Variants in ADGRB2 observed in about 807,000 individuals in gnomAD.
ADGRB2 encodes brain-specific angiogenesis inhibitor 2.
Under a neutral mutation model 178.7 loss-of-function variants are expected in ADGRB2, and 47 were observed. That is an observed-to-expected ratio of 0.26 (90% CI 0.21 to 0.34). ADGRB2 has a LOEUF of 0.34. ADGRB2 is among the 10% of genes least tolerant of loss of function. ADGRB2 has a pLI of 1.00. For synonymous variants in ADGRB2, 870 were observed against 912.4 expected, an observed-to-expected ratio of 0.95 and a Z score of 0.84; for missense variants, 1,584 against 2,180.8, an observed-to-expected ratio of 0.73 and a Z score of 5.45.
At position 31,744,280 on chromosome 1, in the gene ADGRB2, G is replaced by T. The variant is rs1198785281; in HGVS notation, c.1000C>A (p.Arg334Ser). ...CCATAGGGGGAGGACACACAGGAGC[G>T]GGTCCGCACCTGCAGACCCTGCCCA... ...TCGQGLQVRT[R>S]SCVSSPYGTL... is the part of the protein sequence containing the mutation. Residue 334 changes from arginine (R) to serine (S), a missense_variant, in exon 6 of 33, where the codon CGC becomes AGC. By Grantham distance (110) the Arg-to-Ser change is moderately radical. Around this residue, in one of 3 missense-constraint regions of ADGRB2, gnomAD observed 657 missense variants for 847.6 expected, o/e 0.78. Transcript: ENST00000373658. The surrounding 1 kb of genome is among the most constrained non-coding windows in gnomAD (Gnocchi z 6.7). The T allele has an allele frequency of 1.3e-6, 2 of 1,551,320 alleles. No homozygotes were observed. The highest frequency in any genetic ancestry group is 2.4e-5 in the South Asian group (2 of 84,048).
Position 31,754,283 on chromosome 1 carries a change from C to T in ADGRB2, c.838+1716G>A, listed in dbSNP as rs530960825. ...TGGCTCTGTGCTCCACATGGCAGCC[C>T]GCCCAGATGGTGCCCGCCCATGAGG... On this transcript the variant is annotated intron_variant, in intron 4 of 32. Transcript: ENST00000373658. The surrounding 1 kb of genome is among the most constrained non-coding windows in gnomAD (Gnocchi z 5.7). Among the ~76,000 whole-genome samples, 1 of 152,374 alleles carries T rather than the reference C, an allele frequency of 6.6e-6. No homozygotes were observed. The highest frequency in any genetic ancestry group is 2.4e-5 in the African/African-American group (1 of 41,596).
Position 31,740,274 on chromosome 1 carries a change from T to C in ADGRB2, c.1989+73A>G. ...CACTTGCCGCCTCTACAGCAGACTC[T>C]GCCTAGGGGCCTGGCCTCCCGCTTC... On this transcript the variant is annotated intron_variant, in intron 12 of 32. Coordinates refer to ENST00000373658, the MANE Select transcript of ADGRB2 (RefSeq NM_001364857.2). The surrounding 1 kb of genome is among the most constrained non-coding windows in gnomAD (Gnocchi z 5.9). 1.2e-6 allele frequency: 2 copies of C among 1,605,150 alleles called. No individual in the cohort carries two copies. The highest frequency in any genetic ancestry group is 1.3e-5 in the African/African-American group (1 of 74,818).
At position 31,756,720 on chromosome 1, in the gene ADGRB2, G is replaced by A; in HGVS notation, c.117C>T (p.Ala39=). The stretch of plus-strand genomic sequence containing the variant: ...GCACACCCGAGGCCAGGGCAGAGCA[G>A]GCACTGGGGGCGGGGTCGAAGGCGG... ...LATAFDPAPS[A]CSALASGVLY... is the part of the protein sequence containing the mutation. Residue 39 remains alanine, a synonymous_variant, in exon 4 of 33, where the codon GCC becomes GCT. Transcript: ENST00000373658. This position sits in a 1 kb window ranked among gnomAD's most constrained non-coding sequence, Gnocchi z 8.5. The A allele has an allele frequency of 6.3e-7, 1 of 1,593,200 alleles. No homozygotes were observed. Among genetic ancestry groups the A allele is most frequent in the Non-Finnish European group, 8.5e-7 (1 of 1,170,752 alleles).
In ADGRB2 at chr1:31,741,985, CAT is replaced by C; in HGVS notation, c.1418-20_1418-19del. ...ATCAGTGGCTGTGGGAGAGGTGAGG[CAT>C]ATGAGTGGGCCCAGGTACCCCCATG... On this transcript the variant is annotated intron_variant, in intron 8 of 32. Coordinates refer to ENST00000373658, the MANE Select transcript of ADGRB2 (RefSeq NM_001364857.2). The surrounding 1 kb of genome is among the most constrained non-coding windows in gnomAD (Gnocchi z 6.5). The C allele has an allele frequency of 6.3e-7, 1 of 1,584,852 alleles. No homozygotes were observed. The highest frequency in any genetic ancestry group is 8.6e-7 in the Non-Finnish European group (1 of 1,161,234).
chr1:31,762,255 C>T (rs1182865944), intron 1 of ADGRB2, among the ~76,000 whole-genome samples: 1 of 152,024 alleles, frequency 6.6e-6, no homozygotes, highest in Non-Finnish European at 1.5e-5. Context: ...CAATCTTGGT[C>T]CAGAGAAGAC....
At position 31,728,803 on chromosome 1, in the gene ADGRB2, A is replaced by ACACACACACACACACACAC. The variant is rs1645128108; in HGVS notation, c.4381-171_4381-170insGTGTGTGTGTGTGTGTGTG. On this transcript the variant is annotated intron_variant, in intron 29 of 32. Transcript: ENST00000373658. This position sits in a 1 kb window ranked among gnomAD's most constrained non-coding sequence, Gnocchi z 6.7. ...TGGGGCAGCTTTTCAGGCCTCACTG[A>ACACACACACACACACACAC]ACACACACACACACACACACACACA... Among the ~76,000 whole-genome samples, 1 of 115,436 alleles carries ACACACACACACACACACAC rather than the reference A, an allele frequency of 8.7e-6. No individual in the cohort carries two copies. Among genetic ancestry groups the ACACACACACACACACACAC allele is most frequent in the Non-Finnish European group, 1.8e-5 (1 of 54,906 alleles). 75.7% of individuals were successfully genotyped at this position (115,436 alleles called of 152,430 possible). A position where few individuals can be genotyped will look rare whatever the true frequency, so the allele number is the denominator to read the frequency against.
At chr1:31,739,671 G>A (rs1296861748) in intron 14 of ADGRB2, 36 bp from the exon 15 acceptor site, 7 of 1,543,740 alleles carry the variant, frequency 4.5e-6, no homozygotes, top group Non-Finnish European at 5.2e-6. Flanking sequence ...GACAGACAGA[G>A]GGGCAGAAAC....
intron 17 of ADGRB2, 47 bp downstream of exon 17, chr1:31,738,540 G>C (rs1461405312): frequency 1.3e-6 from 2 of 1,579,108 alleles, no homozygotes; most frequent in African/African-American, 2.7e-5. Flanking sequence ...CTGGCAAAGG[G>C]CCCTAGGGCT....
chr1:31,738,298 C>T lies in ADGRB2; in HGVS notation c.2674G>A (p.Glu892Lys), dbSNP rs755094605. 6 of 1,614,054 alleles carry T rather than the reference C, an allele frequency of 3.7e-6. No homozygotes were observed. Among genetic ancestry groups the T allele is most frequent in the Non-Finnish European group, 4.2e-6 (5 of 1,179,994 alleles). The change falls in exon 18 of 33, where the codon GAA becomes AAA. Residue 892 changes from glutamate to lysine, a missense_variant. Transcript: ENST00000373658. ...ADASSGDWDT[E>K]NCQTLETQAA... Reference sequence around the variant, plus strand: ...TGGGTCTCCAGGGTCTGGCAATTTTCAGTGTCCCAGTCTCCTGAGCTGGCA... The same window carrying T: ...TGGGTCTCCAGGGTCTGGCAATTTTTAGTGTCCCAGTCTCCTGAGCTGGCA...
intron 29 of ADGRB2, among the ~76,000 whole-genome samples, chr1:31,730,428 C>T (rs1399289932): frequency 2.6e-5 from 4 of 152,246 alleles, no homozygotes; most frequent in Non-Finnish European, 5.9e-5. Flanking sequence ...TGAAGGCTCA[C>T]TGATCTCACT....
rs1020841555 is a variant in ADGRB2, at chr1:31,751,927, C to T, written c.838+4072G>A. 3.3e-5 allele frequency among the ~76,000 whole-genome samples: 5 copies of T among 152,280 alleles called. No individual in the cohort carries two copies. In the East Asian group the frequency reaches 5.8e-4, roughly 18 times the overall value. The stretch of plus-strand genomic sequence containing the variant: ...TGTTAGGCATCTACCATGTGCCAGG[C>T]ACTGGGCACTTACTCTCATCCTCTC... On this transcript the variant is annotated intron_variant, in intron 4 of 32. Transcript: ENST00000373658.
Position 31,735,570 on chromosome 1 carries a change from C to A in ADGRB2, c.3353+10G>T, listed in dbSNP as rs370953719. The stretch of plus-strand genomic sequence containing the variant: ...CCAGAAAGGCCAAGTCTCAGAGGCC[C>A]CCCCCTTACCCGGCCCTCTGCTTCT... On this transcript the variant is annotated intron_variant, in intron 24 of 32. Coordinates refer to ENST00000373658, the MANE Select transcript of ADGRB2 (RefSeq NM_001364857.2). The surrounding 1 kb of genome is among the most constrained non-coding windows in gnomAD (Gnocchi z 6.0). 3.2e-5 allele frequency: 51 copies of A among 1,613,502 alleles called. No homozygotes were observed. The highest frequency in any genetic ancestry group is 4.2e-5 in the Non-Finnish European group (49 of 1,179,590).
Position 31,733,219 on chromosome 1 carries a change from G to A in ADGRB2, c.3453-76C>T. The A allele has an allele frequency of 6.8e-7, 1 of 1,478,690 alleles. No homozygotes were observed. Among genetic ancestry groups the A allele is most frequent in the South Asian group, 1.3e-5 (1 of 77,962 alleles). 91.6% of individuals were successfully genotyped at this position (1,478,690 alleles called of 1,614,324 possible). On this transcript the variant is annotated intron_variant, in intron 25 of 32. Coordinates refer to ENST00000373658, the MANE Select transcript of ADGRB2 (RefSeq NM_001364857.2). The surrounding 1 kb of genome is among the most constrained non-coding windows in gnomAD (Gnocchi z 4.3). ...TGGCTTGAGCCTAGGCCTCCACTCAGCTGGAGCTCTTCAGCTGCCCAAGAC... is the reference window on the plus strand; with the variant it reads ...TGGCTTGAGCCTAGGCCTCCACTCAACTGGAGCTCTTCAGCTGCCCAAGAC...
rs999712668 is a variant in ADGRB2, at chr1:31,753,670, G to A, written c.838+2329C>T. ...GCAGCCCAGTGGGGAGGAGACAAGG[G>A]GAGGAATGGAGGGGGCCAAAGGCTC... is the stretch of plus-strand genomic sequence containing the variant. On this transcript the variant is annotated intron_variant, in intron 4 of 32. Coordinates refer to ENST00000373658, the MANE Select transcript of ADGRB2 (RefSeq NM_001364857.2). This position sits in a 1 kb window ranked among gnomAD's most constrained non-coding sequence, Gnocchi z 4.1. 7.9e-5 allele frequency among the ~76,000 whole-genome samples: 12 copies of A among 152,352 alleles called. No homozygotes were observed. The East Asian group carries it at 9.6e-4, about 12-fold the overall frequency.
intron 29 of ADGRB2, among the ~76,000 whole-genome samples, chr1:31,729,197 A>G (rs1224537481): frequency 6.6e-6 from 1 of 152,108 alleles, no homozygotes; most frequent in Non-Finnish European, 1.5e-5. Flanking sequence ...GCTACTCAAG[A>G]AAGAGGCCTG....
At position 31,738,942 on chromosome 1, in the gene ADGRB2, G is replaced by A. The variant is rs377725272; in HGVS notation, c.2496-5C>T. On this transcript the variant is annotated splice_polypyrimidine_tract_variant and splice_region_variant and intron_variant, in intron 15 of 32. Transcript: ENST00000373658. Reference sequence around the variant, plus strand: ...GATGTGACGGCCAGCGGGGGCCTGCGGGACAGGTACCGAAGTCAGCTCCTG... The same window carrying A: ...GATGTGACGGCCAGCGGGGGCCTGCAGGACAGGTACCGAAGTCAGCTCCTG... 2.3e-5 allele frequency: 37 copies of A among 1,604,726 alleles called. No homozygotes were observed. The highest frequency in any genetic ancestry group is 1.7e-4 in the Middle Eastern group (1 of 5,904).
rs1022982153 is a variant in ADGRB2, at chr1:31,736,553, C to A, written c.3130+20G>T. The A allele has an allele frequency of 5.0e-6, 8 of 1,612,344 alleles. No homozygotes were observed. Among genetic ancestry groups the A allele is most frequent in the Non-Finnish European group, 6.8e-6 (8 of 1,178,990 alleles). On this transcript the variant is annotated intron_variant, in intron 21 of 32. Coordinates refer to ENST00000373658, the MANE Select transcript of ADGRB2 (RefSeq NM_001364857.2). ...GCCCACCAAGGCCCAGCAGCAGAGTCCAGCACTGGCCCTGCTCACCCCAGC... is the reference window on the plus strand; with the variant it reads ...GCCCACCAAGGCCCAGCAGCAGAGTACAGCACTGGCCCTGCTCACCCCAGC...
chr1:31,739,283 C>T (rs1569866518), intron 15 of ADGRB2, 25 bp downstream of exon 15: 1 of 1,444,366 alleles, frequency 6.9e-7, no homozygotes, highest in Non-Finnish European at 9.1e-7. Flanking sequence ...CTCAGCAGCC[C>T]CAGCCACCCA....
At chr1:31,748,776 G>C (rs80315296) in intron 4 of ADGRB2, among the ~76,000 whole-genome samples, 106 of 152,358 alleles carry the variant, frequency 7.0e-4, no homozygotes, top group African/African-American at 2.4e-3. Flanking sequence ...TTGACCACCT[G>C]ATAACCTCAT....
Sources: gnomAD v4.1 joint callset for allele counts (sites outside exome capture counted in the v4.1 genomes callset) on GRCh38, gnomAD v4.1.1 for gene constraint, gnomAD v4.1.1 regional missense constraint, Gnocchi (gnomAD v3.1) non-coding constraint, MANE v1.5 for transcripts, NCBI Gene and HGNC (gene_info 2026-07-23, HGNC 2026-07-21) for gene names.